Variants in COQ3 observed in about 807,000 individuals in gnomAD.
The protein encoded by COQ3 is coenzyme Q3, methyltransferase.
A neutral mutation model predicts 33.1 loss-of-function variants in COQ3; 29 were observed. That is an observed-to-expected ratio of 0.88 (90% CI 0.65 to 1.19). COQ3 has a LOEUF of 1.19. Ranked by LOEUF, COQ3 falls within the 50% of genes most tolerant of loss-of-function variation. The pLI, the probability that COQ3 is intolerant of heterozygous loss-of-function variation, is 0.00. For synonymous variants in COQ3, 173 were observed against 157.8 expected, an observed-to-expected ratio of 1.10 and a Z score of -0.72; for missense variants, 437 against 430.7, an observed-to-expected ratio of 1.01 and a Z score of -0.13.
At chr6:99,388,573 C>T (rs1175521433) in intron 1 of COQ3, among the ~76,000 whole-genome samples, 1 of 151,582 alleles carries the variant, frequency 6.6e-6, no homozygotes, top group African/African-American at 2.4e-5. Flanking sequence ...ATAGGCCTGG[C>T]GCGGTGGCTT....
chr6:99,385,264 G>A (rs12206447), intron 1 of COQ3, among the ~76,000 whole-genome samples: 18,462 of 152,060 alleles, frequency 0.12, 1,631 homozygotes, highest in Non-Finnish European at 0.17. Flanking sequence ...AAACCAGCAG[G>A]GATAAAGAAG....
intron 6 of COQ3, among the ~76,000 whole-genome samples, chr6:99,370,344 C>CTT: frequency 0.011 from 1,142 of 101,188 alleles, 94 homozygotes; most frequent in African/African-American, 0.036. Flanking sequence ...CTTTTCTTTA[C>CTT]TTTTTTTTTT....
At chr6:99,369,972 C>G (rs1235860662) in intron 6 of COQ3, 152 bp from the exon 7 acceptor site, 3 of 610,386 alleles carry the variant, frequency 4.9e-6, no homozygotes, top group Non-Finnish European at 8.6e-6. Context: ...ACTTAATGGG[C>G]AAGCGTATTT....
intron 1 of COQ3, among the ~76,000 whole-genome samples, chr6:99,391,497 ATAT>A (rs1182473588): frequency 6.6e-6 from 1 of 152,180 alleles, no homozygotes; most frequent in Non-Finnish European, 1.5e-5. Flanking sequence ...GATACATGAG[ATAT>A]TATTAAAGAA....
intron 4 of COQ3, among the ~76,000 whole-genome samples, chr6:99,376,621 C>T (rs1243457915): frequency 1.3e-5 from 2 of 152,302 alleles, no homozygotes; most frequent in Admixed American, 6.5e-5. Context: ...TTTTTCATAG[C>T]TAATTCTTCT....
At chr6:99,376,973 A>G (rs1026084267) in intron 4 of COQ3, among the ~76,000 whole-genome samples, 8 of 149,948 alleles carry the variant, frequency 5.3e-5, no homozygotes, top group African/African-American at 1.5e-4. Flanking sequence ...CAAAAAAAAA[A>G]GATTAAAATC....
Position 99,371,691 on chromosome 6 carries a change from A to C in COQ3, c.730-104T>G, listed in dbSNP as rs374493939. 3.5e-5 allele frequency: 26 copies of C among 736,748 alleles called. 1 individual carries two copies. The highest frequency in any genetic ancestry group is 1.9e-4 in the East Asian group (7 of 35,926). The allele number at this position is 736,748 out of a possible 1,614,324, so 45.6% of individuals were successfully genotyped here. A position where few individuals can be genotyped will look rare whatever the true frequency, so the allele number is the denominator to read the frequency against. On this transcript the variant is annotated intron_variant, in intron 5 of 6. Transcript: ENST00000254759. The stretch of plus-strand genomic sequence containing the variant: ...CTCCTCCTTTCTTCCAAATAATCTG[A>C]GTGCCATTAAAATATATATGTACGC...
At chr6:99,392,053 T>C (rs1774846701) in intron 1 of COQ3, among the ~76,000 whole-genome samples, 1 of 152,128 alleles carries the variant, frequency 6.6e-6, no homozygotes, top group South Asian at 2.1e-4. Flanking sequence ...TCTACCACCT[T>C]ACCACAACGG....
chr6:99,380,703 A>G (rs544613978), intron 2 of COQ3, among the ~76,000 whole-genome samples: 12 of 152,094 alleles, frequency 7.9e-5, no homozygotes, highest in African/African-American at 2.9e-4. Context: ...GCAGATCAAG[A>G]GGTCACCAGC....
At chr6:99,391,156 T>C (rs1774817566) in intron 1 of COQ3, among the ~76,000 whole-genome samples, 1 of 151,780 alleles carries the variant, frequency 6.6e-6, no homozygotes, top group African/African-American at 2.4e-5. Context: ...TGGAGTGCAG[T>C]GGTGGGTTCA....
At position 99,377,432 on chromosome 6, in the gene COQ3, C is replaced by T. The variant is rs1415722968; in HGVS notation, c.440G>A (p.Gly147Glu). The T allele has an allele frequency of 6.2e-6, 10 of 1,613,496 alleles. No homozygotes were observed. Among genetic ancestry groups the T allele is most frequent in the South Asian group, 1.1e-5 (1 of 91,030 alleles). Residue 147 changes from glycine to glutamate, a missense_variant, in exon 4 of 7, where the codon GGG becomes GAG. By Grantham distance (98) the Gly-to-Glu change is moderately conservative. Coordinates refer to ENST00000254759, the MANE Select transcript of COQ3 (RefSeq NM_017421.4). ...PNHQPGKPLL[G>E]MKILDVGCGG... ...ACAGCCAACGTCAAGAATCTTCATC[C>T]CCAACAAAGGTTTTCCTGGCTGGTG...
chr6:99,386,639 T>C (rs1221059772), intron 1 of COQ3, among the ~76,000 whole-genome samples: 3 of 152,082 alleles, frequency 2.0e-5, no homozygotes, highest in Admixed American at 6.6e-5. Flanking sequence ...TGATAGACAT[T>C]AAAAGGTTGA....
rs1774070034 is a variant in COQ3, at chr6:99,369,697, TG to T, written c.1012del (p.His338ThrfsTer9). On this transcript the variant is annotated frameshift_variant, in exon 7 of 7. Transcript: ENST00000254759. LOFTEE classifies it low-confidence loss of function (END_TRUNC). ...TAAAACAAACTCAGCAGAGGCTGGGTGTTCCTGGACCCTGGATTTCACAGCA... is the reference window on the plus strand; with the variant it reads ...TAAAACAAACTCAGCAGAGGCTGGGTTTCCTGGACCCTGGATTTCACAGCA... ...AYAVKSRVQE[H>X]PASAEFVLKG... The T allele has an allele frequency of 6.2e-7, 1 of 1,613,954 alleles. No homozygotes were observed. Among genetic ancestry groups the T allele is most frequent in the African/African-American group, 1.3e-5 (1 of 74,920 alleles).
Position 99,383,764 on chromosome 6 carries a change from T to C in COQ3, c.167A>G (p.Tyr56Cys). ...GTAGGATTTGAACCATATGGTTCTG[T>C]ATTCATTGAAAACCCCTGGTTTAAT... is the stretch of plus-strand genomic sequence containing the variant. ...LQIKPGVFNEYRTIWFKSYRT... is the reference protein window; with the variant it reads ...LQIKPGVFNECRTIWFKSYRT... The change falls in exon 2 of 7, where the codon TAC becomes TGC. Residue 56 changes from tyrosine to cysteine, a missense_variant. Coordinates refer to ENST00000254759, the MANE Select transcript of COQ3 (RefSeq NM_017421.4). The C allele has an allele frequency of 1.2e-6, 2 of 1,600,984 alleles. No homozygotes were observed. The highest frequency in any genetic ancestry group is 1.7e-6 in the Non-Finnish European group (2 of 1,173,128).
rs562947006 is a variant in COQ3 at position 99,380,293 on chromosome 6, G to A, written c.282C>T (p.Ser94=). The change falls in exon 3 of 7, where the codon AGC becomes AGT. Residue 94 remains serine, a synonymous_variant. Transcript: ENST00000254759. ...LYSTSQTTVD[S]GEVKTFLALA... is the part of the protein sequence containing the mutation. ...GGGCCAAGAAGGTTTTTACCTCACCGCTGTCGACAGTGGTTTGGGAAGTAC... is the reference window on the plus strand; with the variant it reads ...GGGCCAAGAAGGTTTTTACCTCACCACTGTCGACAGTGGTTTGGGAAGTAC... 9.3e-6 allele frequency: 15 copies of A among 1,613,962 alleles called. No individual in the cohort carries two copies. The highest frequency in any genetic ancestry group is 2.2e-5 in the East Asian group (1 of 44,868).
chr6:99,389,555 C>T lies in COQ3; in HGVS notation c.106+4519G>A, dbSNP rs76956100. On this transcript the variant is annotated intron_variant, in intron 1 of 6. Coordinates refer to ENST00000254759, the MANE Select transcript of COQ3 (RefSeq NM_017421.4). ...CCCTGACTGTAGCTATCTAGTTTCT[C>T]TCCCTATAAACAACCAATCCTACTA... Among the ~76,000 whole-genome samples the T allele has an allele frequency of 7.2e-3, 1,100 of 152,252 alleles. 21 individuals are homozygous for T. Among genetic ancestry groups the T allele is most frequent in the African/African-American group, 0.025 (1,058 of 41,550 alleles).
At chr6:99,376,518 A>C (rs1269919349) in intron 4 of COQ3, among the ~76,000 whole-genome samples, 1 of 152,262 alleles carries the variant, frequency 6.6e-6, no homozygotes, top group East Asian at 1.9e-4. Flanking sequence ...TAAATGTAAC[A>C]AGCCATTGAA....
chr6:99,377,626 T>C, intron 3 of COQ3, 141 bp from the exon 4 acceptor site: 1 of 525,128 alleles, frequency 1.9e-6, no homozygotes, highest in Non-Finnish European at 3.2e-6. Context: ...TCTTTCAACA[T>C]TGACATTTAA....
intron 1 of COQ3, among the ~76,000 whole-genome samples, chr6:99,387,125 AGT>A (rs1774673556): frequency 6.6e-6 from 1 of 152,210 alleles, no homozygotes; most frequent in Non-Finnish European, 1.5e-5. Context: ...GTTAAAAAGC[AGT>A]TAATATAATC....
Sources: gnomAD v4.1 joint callset for allele counts (sites outside exome capture counted in the v4.1 genomes callset) on GRCh38, gnomAD v4.1.1 for gene constraint, MANE v1.5 for transcripts, NCBI Gene and HGNC (gene_info 2026-07-23, HGNC 2026-07-21) for gene names.